SPAG9: variants seen among roughly 807,000 people sequenced by gnomAD.
SPAG9 encodes sperm associated antigen 9.
Under a neutral mutation model 166.5 loss-of-function variants are expected in SPAG9, and 35 were observed. The ratio of observed to expected loss-of-function variants is 0.21; its 90% confidence interval spans 0.16 to 0.28. The LOEUF (loss-of-function observed/expected upper bound fraction) is 0.28. SPAG9 is among the 10% of genes least tolerant of loss of function. The pLI, the probability that SPAG9 is intolerant of heterozygous loss-of-function variation, is 1.00. For missense variants in SPAG9, 1,235 were observed against 1,603.3 expected, an observed-to-expected ratio of 0.77 and a Z score of 3.92; for synonymous variants, 534 against 565.5, an observed-to-expected ratio of 0.94 and a Z score of 0.79.
chr17:51,089,661 TATAC>T (rs869130249), intron 1 of SPAG9, among the ~76,000 whole-genome samples: 2,854 of 97,748 alleles, frequency 0.029, 119 homozygotes, highest in Non-Finnish European at 0.036. Flanking sequence ...TATATATATA[TATAC>T]ACATACACAC....
rs763882838 is a variant in SPAG9, at chr17:51,020,308, C to A, written c.992-50G>T. Reference sequence around the variant, plus strand: ...AACAATACATATATTACACAGTACCCCAATATAAAAATCCTGTTGTTTTTA... The same window carrying A: ...AACAATACATATATTACACAGTACCACAATATAAAAATCCTGTTGTTTTTA... On this transcript the variant is annotated intron_variant, in intron 7 of 29. Transcript: ENST00000262013. 25 of 1,224,976 alleles carry A rather than the reference C, an allele frequency of 2.0e-5. No homozygotes were observed. The East Asian group carries it at 5.7e-4, about 28-fold the overall frequency. The allele number at this position is 1,224,976 out of a possible 1,614,324, so 75.9% of individuals were successfully genotyped here.
intron 9 of SPAG9, among the ~76,000 whole-genome samples, chr17:51,012,928 G>A (rs952473140): frequency 7.9e-5 from 12 of 151,366 alleles, no homozygotes; most frequent in Admixed American, 4.0e-4. Flanking sequence ...GATATTTTTC[G>A]CCATGTTGCC....
Position 50,974,926 on chromosome 17 carries a change from G to T in SPAG9, c.3545C>A (p.Pro1182Gln). The T allele has an allele frequency of 1.2e-6, 2 of 1,608,624 alleles. No homozygotes were observed. Among genetic ancestry groups the T allele is most frequent in the Non-Finnish European group, 8.5e-7 (1 of 1,178,554 alleles). ...LTETNKTSGV[P>Q]GNRPGSVIRV... Reference sequence around the variant, plus strand: ...GATTACACTTCCAGGACGATTTCCTGGTACACCTGAGGTTTTATTTGCTGC... The same window carrying T: ...GATTACACTTCCAGGACGATTTCCTTGTACACCTGAGGTTTTATTTGCTGC... The change falls in exon 28 of 30, where the codon CCA (proline) becomes CAA (glutamine). Residue 1182 changes from proline to glutamine, a missense_variant. By Grantham distance (76) the Pro-to-Gln change is moderately conservative. Around this residue, in one of 6 missense-constraint regions of SPAG9, gnomAD observed 243 missense variants for 358.6 expected, o/e 0.68. Coordinates refer to ENST00000262013, the MANE Select transcript of SPAG9 (RefSeq NM_001130528.3).
intron 12 of SPAG9, among the ~76,000 whole-genome samples, chr17:51,003,820 T>C (rs2045072369): frequency 6.6e-6 from 1 of 152,200 alleles, no homozygotes; most frequent in Non-Finnish European, 1.5e-5. Context: ...ATCTTAAGTT[T>C]ATAACACAGC....
intron 15 of SPAG9, among the ~76,000 whole-genome samples, chr17:50,997,108 C>T (rs551287525): frequency 3.3e-5 from 5 of 152,210 alleles, no homozygotes; most frequent in African/African-American, 1.2e-4. Flanking sequence ...TGCACTCCAG[C>T]CTGGGGGACA....
chr17:50,968,613 C>T (rs1289458567), intron 29 of SPAG9, among the ~76,000 whole-genome samples: 3 of 152,074 alleles, frequency 2.0e-5, no homozygotes, highest in African/African-American at 7.2e-5. Flanking sequence ...TGCCTGAAAT[C>T]CCAGCTACTC....
chr17:51,046,594 C>A, intron 4 of SPAG9: 2 of 1,535,982 alleles, frequency 1.3e-6, no homozygotes, highest in Non-Finnish European at 1.7e-6. Flanking sequence ...ACTAAGATAG[C>A]AGAATTAATG....
chr17:50,968,666 G>T (rs968673867), intron 29 of SPAG9, among the ~76,000 whole-genome samples: 33 of 152,122 alleles, frequency 2.2e-4, no homozygotes, highest in Admixed American at 1.1e-3. Flanking sequence ...GGGAGGTGGA[G>T]GTTGCAGTGA....
At chr17:51,027,703 A>G (rs1000058655) in intron 6 of SPAG9, among the ~76,000 whole-genome samples, 2 of 152,238 alleles carry the variant, frequency 1.3e-5, no homozygotes, top group African/African-American at 2.4e-5. Flanking sequence ...CCAGGTGTAT[A>G]AAAGTATAGT....
intron 1 of SPAG9, among the ~76,000 whole-genome samples, chr17:51,091,984 T>TAAA (rs66581264): frequency 7.7e-6 from 1 of 129,270 alleles, no homozygotes; most frequent in Non-Finnish European, 1.6e-5. Flanking sequence ...CTCCCAAAGT[T>TAAA]AAAAAAAAAA....
At chr17:51,045,414 A>C (rs1310048194) in intron 4 of SPAG9, among the ~76,000 whole-genome samples, 7 of 152,182 alleles carry the variant, frequency 4.6e-5, no homozygotes, top group Non-Finnish European at 8.8e-5. Flanking sequence ...CAATTTTTAT[A>C]AATCAGGAAA....
intron 8 of SPAG9, among the ~76,000 whole-genome samples, chr17:51,018,769 C>A (rs1247750740): frequency 6.6e-6 from 1 of 152,106 alleles, no homozygotes. Context: ...CGGCTGCTGG[C>A]CCTAAAATAA....
At chr17:51,077,041 T>TCTAGCTAGCTATCTAG (rs1219566936) in intron 2 of SPAG9, among the ~76,000 whole-genome samples, 6 of 98,560 alleles carry the variant, frequency 6.1e-5, no homozygotes, top group Non-Finnish European at 1.4e-4. Flanking sequence ...TATCTAGCTA[T>TCTAGCTAGCTATCTAG]CTAGCTATCT....
Position 51,001,704 on chromosome 17 carries a change from G to A in SPAG9, c.1607+11C>T. On this transcript the variant is annotated intron_variant, in intron 13 of 29. Transcript: ENST00000262013. ...ATAGTAGGAAAATAATGGAGCGCTT[G>A]TCATACAAACCGAATCATCTCTGTC... 2 of 1,600,782 alleles carry A rather than the reference G, an allele frequency of 1.2e-6. No individual in the cohort carries two copies. The highest frequency in any genetic ancestry group is 1.7e-6 in the Non-Finnish European group (2 of 1,176,792).
intron 12 of SPAG9, among the ~76,000 whole-genome samples, chr17:51,002,608 T>C (rs1331586571): frequency 3.3e-5 from 5 of 151,768 alleles, no homozygotes; most frequent in African/African-American, 1.2e-4. Flanking sequence ...AGTAAAACCC[T>C]GTAGCCAGGA....
chr17:50,990,216 G>C (rs1406318579), intron 20 of SPAG9: 1 of 533,136 alleles, frequency 1.9e-6, no homozygotes, highest in Non-Finnish European at 3.4e-6. Context: ...TTTTAGTACA[G>C]ACAGGGTTTC....
intron 21 of SPAG9, among the ~76,000 whole-genome samples, chr17:50,988,995 G>A (rs1975305777): frequency 6.6e-6 from 1 of 150,572 alleles, no homozygotes; most frequent in African/African-American, 2.4e-5. Flanking sequence ...GTAGGGGTGG[G>A]ATTAAAATGA....
intron 2 of SPAG9, among the ~76,000 whole-genome samples, chr17:51,061,230 C>A (rs1401012224): frequency 6.6e-6 from 1 of 151,954 alleles, no homozygotes; most frequent in Non-Finnish European, 1.5e-5. Context: ...CATTATAATG[C>A]CACAAAACAA....
chr17:51,018,871 G>A (rs1276939468), intron 8 of SPAG9, among the ~76,000 whole-genome samples: 4 of 152,070 alleles, frequency 2.6e-5, no homozygotes, highest in Non-Finnish European at 5.9e-5. Flanking sequence ...CTTCACTCCC[G>A]CTTCTTGGTT....
Sources: allele counts gnomAD v4.1 joint callset (sites outside exome capture counted in the v4.1 genomes callset), GRCh38; gene constraint gnomAD v4.1.1; regional missense constraint gnomAD v4.1.1; transcripts MANE v1.5; gene names NCBI Gene and HGNC (gene_info 2026-07-23, HGNC 2026-07-21).